Variants in CSGALNACT1 observed in about 807,000 individuals in gnomAD.
The protein encoded by CSGALNACT1 is beta4GalNAcT-1.
Under a neutral mutation model 51.0 loss-of-function variants are expected in CSGALNACT1, and 52 were observed. The observed-to-expected ratio is 1.02, with a 90% CI of 0.82 to 1.29. CSGALNACT1 has a LOEUF of 1.29. Among genes scored for constraint, CSGALNACT1 ranks in the 50% most tolerant of loss-of-function variants. CSGALNACT1 has a pLI of 0.00. For missense variants in CSGALNACT1, 935 were observed against 679.2 expected (o/e 1.38, Z -4.19); for synonymous variants, 341 against 254.4 (o/e 1.34, Z -3.24).
At chr8:19,555,666 T>C (rs1035162821) in intron 3 of CSGALNACT1, among the ~76,000 whole-genome samples, 1 of 152,224 alleles carries the variant, frequency 6.6e-6, no homozygotes, top group African/African-American at 2.4e-5. Context: ...CTCCCAACTA[T>C]ACATCTTCAG....
At chr8:19,414,175 A>T (rs777388095) in intron 8 of CSGALNACT1, among the ~76,000 whole-genome samples, 7 of 152,212 alleles carry the variant, frequency 4.6e-5, no homozygotes, top group Non-Finnish European at 8.8e-5. Flanking sequence ...CCCTCTTCAG[A>T]GAGCAGGTTG....
chr8:19,724,781 T>C (rs1182005085), intron 1 of CSGALNACT1, among the ~76,000 whole-genome samples: 1 of 152,076 alleles, frequency 6.6e-6, no homozygotes, highest in Admixed American at 6.5e-5. Context: ...GCCTTGTGGG[T>C]TTCATGCACA....
chr8:19,649,245 G>A (rs978928815), intron 1 of CSGALNACT1, among the ~76,000 whole-genome samples: 2 of 152,108 alleles, frequency 1.3e-5, no homozygotes, highest in East Asian at 1.9e-4. Context: ...ATCTTCTTAG[G>A]TATGACTACA....
chr8:19,706,668 C>A (rs186756980), intron 1 of CSGALNACT1, among the ~76,000 whole-genome samples: 5 of 152,290 alleles, frequency 3.3e-5, no homozygotes, highest in Non-Finnish European at 7.3e-5. Flanking sequence ...AGGTCAGGCT[C>A]CTCCTTGTGT....
At chr8:19,634,449 C>A (rs922675253) in intron 1 of CSGALNACT1, among the ~76,000 whole-genome samples, 4 of 146,774 alleles carry the variant, frequency 2.7e-5, no homozygotes, top group African/African-American at 1.1e-4. Context: ...ATCATTTGAG[C>A]CAAAGAGTTC....
intron 4 of CSGALNACT1, among the ~76,000 whole-genome samples, chr8:19,487,608 TA>T (rs762586596): frequency 6.6e-6 from 1 of 152,184 alleles, no homozygotes; most frequent in Non-Finnish European, 1.5e-5. Flanking sequence ...CAACTGTTGA[TA>T]AACTCCAACA....
chr8:19,509,003 C>T (rs2077916293), intron 3 of CSGALNACT1, among the ~76,000 whole-genome samples: 2 of 152,044 alleles, frequency 1.3e-5, no homozygotes. Context: ...GTGGAAAAGA[C>T]AGATTTTTAG....
chr8:19,724,868 C>T (rs141109049), intron 1 of CSGALNACT1, among the ~76,000 whole-genome samples: 47 of 152,262 alleles, frequency 3.1e-4, no homozygotes, highest in African/African-American at 1.1e-3. Flanking sequence ...ACACAGAGTG[C>T]CACATGTGCT....
intron 8 of CSGALNACT1, among the ~76,000 whole-genome samples, chr8:19,413,446 A>G (rs922151233): frequency 1.3e-5 from 2 of 152,140 alleles, no homozygotes; most frequent in Non-Finnish European, 1.5e-5. Flanking sequence ...ATTACGTGAG[A>G]TAACGTGGGC....
intron 1 of CSGALNACT1, among the ~76,000 whole-genome samples, chr8:19,741,280 C>T (rs1304307459): frequency 6.6e-6 from 1 of 152,158 alleles, no homozygotes; most frequent in Non-Finnish European, 1.5e-5. Flanking sequence ...AAAAGGGAGT[C>T]TTAGCCGGGC....
At chr8:19,487,395 C>A (rs771807507) in intron 4 of CSGALNACT1, among the ~76,000 whole-genome samples, 19 of 152,188 alleles carry the variant, frequency 1.2e-4, no homozygotes, top group Admixed American at 2.6e-4. Context: ...GCACAGGATG[C>A]CCAGTGTCCA....
chr8:19,633,859 G>A (rs1165142847), intron 1 of CSGALNACT1, among the ~76,000 whole-genome samples: 6 of 152,092 alleles, frequency 3.9e-5, no homozygotes, highest in African/African-American at 1.4e-4. Flanking sequence ...ACAACTGGTG[G>A]CATGCCAAAC....
At chr8:19,746,434 A>G (rs1363411184) in intron 1 of CSGALNACT1, among the ~76,000 whole-genome samples, 2 of 152,186 alleles carry the variant, frequency 1.3e-5, no homozygotes, top group African/African-American at 4.8e-5. Context: ...TCACGTGCAG[A>G]TTGATGAAAA....
chr8:19,410,827 C>G (rs747097137), intron 8 of CSGALNACT1, among the ~76,000 whole-genome samples: 1 of 152,216 alleles, frequency 6.6e-6, no homozygotes, highest in Non-Finnish European at 1.5e-5. Flanking sequence ...CTCATCTGGT[C>G]ATGCCCACAG....
intron 5 of CSGALNACT1, among the ~76,000 whole-genome samples, chr8:19,449,415 G>A (rs1306610081): frequency 1.3e-5 from 2 of 152,166 alleles, no homozygotes; most frequent in Non-Finnish European, 2.9e-5. Flanking sequence ...TCATTTTCCT[G>A]TTGGGGAACA....
chr8:19,742,673 T>A (rs1330818703), intron 1 of CSGALNACT1, among the ~76,000 whole-genome samples: 1 of 152,212 alleles, frequency 6.6e-6, no homozygotes, highest in Non-Finnish European at 1.5e-5. Flanking sequence ...AATATCACCC[T>A]AGACAGATGC....
chr8:19,678,377 C>T (rs770142262), intron 1 of CSGALNACT1, among the ~76,000 whole-genome samples: 1 of 152,112 alleles, frequency 6.6e-6, no homozygotes, highest in Non-Finnish European at 1.5e-5. Context: ...AAATAACCAA[C>T]GACAGAGTAC....
intron 4 of CSGALNACT1, among the ~76,000 whole-genome samples, chr8:19,464,394 T>A (rs973322486): frequency 6.6e-6 from 1 of 152,094 alleles, no homozygotes; most frequent in Admixed American, 6.6e-5. Context: ...GAATAAAGTA[T>A]CGATACCACA....
intron 1 of CSGALNACT1, among the ~76,000 whole-genome samples, chr8:19,690,462 T>C (rs1288324337): frequency 1.3e-5 from 2 of 152,210 alleles, no homozygotes; most frequent in Non-Finnish European, 2.9e-5. Context: ...GTGTGATATA[T>C]AGAACTATTA....
Sources: allele counts gnomAD v4.1 joint callset (sites outside exome capture counted in the v4.1 genomes callset), GRCh38; gene constraint gnomAD v4.1.1; transcripts MANE v1.5; gene names NCBI Gene and HGNC (gene_info 2026-07-23, HGNC 2026-07-21).